The following ST18 variants were observed in gnomAD, a reference collection of about 807,000 sequenced individuals.
The protein encoded by ST18 is suppression of tumorigenicity 18 protein.
In ST18, 50 loss-of-function variants were observed where a neutral mutation model predicts 110.0. The observed-to-expected ratio is 0.45, with a 90% CI of 0.36 to 0.58. The LOEUF is 0.58. ST18 is among the 20% of genes least tolerant of loss of function. The probability of loss-of-function intolerance (pLI) is 0.00; values close to 1 mark genes in which losing one functional copy is unlikely to be tolerated. For missense variants in ST18, 1,306 were observed against 1,280.1 expected (o/e 1.02, Z -0.31); for synonymous variants, 461 against 452.4 (o/e 1.02, Z -0.24).
At chr8:52,149,126 T>G (rs1012997566) in intron 16 of ST18, among the ~76,000 whole-genome samples, 2 of 152,278 alleles carry the variant, frequency 1.3e-5, no homozygotes, top group Non-Finnish European at 2.9e-5. Context: ...GAAGGTTAGA[T>G]GAATTCCTGC....
At chr8:52,357,943 T>C (rs1362011567) in intron 2 of ST18, among the ~76,000 whole-genome samples, 2 of 151,072 alleles carry the variant, frequency 1.3e-5, no homozygotes, top group African/African-American at 4.8e-5. Flanking sequence ...ACATAGACCA[T>C]ATGTTGAACC....
chr8:52,128,294 G>T (rs2047895313), intron 22 of ST18, among the ~76,000 whole-genome samples: 1 of 152,144 alleles, frequency 6.6e-6, no homozygotes, highest in African/African-American at 2.4e-5. Context: ...ATCTTCATCT[G>T]CCTTCTTAAA....
chr8:52,210,588 T>C (rs1246778950), intron 8 of ST18, among the ~76,000 whole-genome samples: 1 of 151,538 alleles, frequency 6.6e-6, no homozygotes, highest in Non-Finnish European at 1.5e-5. Context: ...AGCCCAGGAG[T>C]TTTAGGCTGC....
At chr8:52,125,955 G>T in intron 23 of ST18, 97 bp downstream of exon 23, 1 of 874,518 alleles carries the variant, frequency 1.1e-6, no homozygotes, top group Non-Finnish European at 1.7e-6. Context: ...TTAAAATTAT[G>T]CTTCCCACCT....
intron 16 of ST18, among the ~76,000 whole-genome samples, chr8:52,145,782 CATGA>C (rs2057039740): frequency 6.6e-6 from 1 of 152,118 alleles, no homozygotes; most frequent in Non-Finnish European, 1.5e-5. Flanking sequence ...ATAATGGTAA[CATGA>C]ATAACAGATA....
chr8:52,389,852 T>C (rs1388176649), intron 2 of ST18, among the ~76,000 whole-genome samples: 1 of 152,172 alleles, frequency 6.6e-6, no homozygotes, highest in Non-Finnish European at 1.5e-5. Flanking sequence ...GTAGTGGCGC[T>C]CAGATTAACA....
In ST18 at chr8:52,212,042, T is replaced by C. The variant is rs540687860; in HGVS notation, c.86+37A>G. 5.7e-6 allele frequency: 9 copies of C among 1,591,230 alleles called. No homozygotes were observed. The South Asian group carries it at 6.9e-5, about 12-fold the overall frequency. On this transcript the variant is annotated intron_variant, in intron 8 of 25. Coordinates refer to ENST00000689386, the MANE Select transcript of ST18 (RefSeq NM_001352837.2). ...AAATCATTCGAATAATCAAGGCCCA[T>C]TAATGTGAAAAAAAAGTAATATAGG...
intron 3 of ST18, among the ~76,000 whole-genome samples, chr8:52,225,724 A>G (rs928029827): frequency 2.0e-5 from 3 of 152,214 alleles, no homozygotes; most frequent in African/African-American, 7.2e-5. Context: ...AGTGTTTCCT[A>G]TCTCTGCATA....
chr8:52,176,269 C>T (rs557608184), intron 9 of ST18, among the ~76,000 whole-genome samples: 33 of 152,114 alleles, frequency 2.2e-4, no homozygotes, highest in African/African-American at 1.2e-4. Context: ...GTGATCCGCC[C>T]GCCTCGGCCT....
intron 2 of ST18, among the ~76,000 whole-genome samples, chr8:52,365,266 G>A (rs1014930955): frequency 1.3e-5 from 2 of 151,990 alleles, no homozygotes; most frequent in Non-Finnish European, 2.9e-5. Flanking sequence ...ATTGAGCTTT[G>A]TCATATTATT....
intron 2 of ST18, among the ~76,000 whole-genome samples, chr8:52,370,772 T>C (rs1236861716): frequency 1.3e-5 from 2 of 152,154 alleles, no homozygotes; most frequent in Non-Finnish European, 2.9e-5. Context: ...CTCTTACTCA[T>C]TGTCTCTTGT....
intron 23 of ST18, among the ~76,000 whole-genome samples, chr8:52,122,072 T>C (rs1279997749): frequency 1.3e-5 from 2 of 152,176 alleles, no homozygotes; most frequent in Non-Finnish European, 2.9e-5. Flanking sequence ...TCTCAATCTC[T>C]TGACCTGCTG....
intron 15 of ST18, among the ~76,000 whole-genome samples, chr8:52,152,649 A>G (rs2059107088): frequency 6.6e-6 from 1 of 152,226 alleles, no homozygotes; most frequent in Non-Finnish European, 1.5e-5. Context: ...GGAAAGTAAA[A>G]TTGGAAAACA....
chr8:52,274,291 A>G (rs1256397775), intron 2 of ST18, among the ~76,000 whole-genome samples: 4 of 152,188 alleles, frequency 2.6e-5, no homozygotes, highest in Admixed American at 6.5e-5. Flanking sequence ...AAATACATCA[A>G]AAAAGGTTAA....
chr8:52,200,692 C>T (rs536056296), intron 8 of ST18, among the ~76,000 whole-genome samples: 1 of 152,260 alleles, frequency 6.6e-6, no homozygotes, highest in South Asian at 2.1e-4. Flanking sequence ...GGCCTAGTGA[C>T]AGCAGCAGAG....
chr8:52,227,450 C>A (rs982478620), intron 3 of ST18, among the ~76,000 whole-genome samples: 22 of 152,062 alleles, frequency 1.4e-4, no homozygotes, highest in African/African-American at 5.3e-4. Flanking sequence ...GACGATGATT[C>A]CTGAAAAATT....
chr8:52,350,084 G>C (rs879291800), intron 2 of ST18, among the ~76,000 whole-genome samples: 1 of 152,154 alleles, frequency 6.6e-6, no homozygotes, highest in Non-Finnish European at 1.5e-5. Context: ...GGAGCAGGGT[G>C]GGAAGTGTGG....
chr8:52,249,178 G>T (rs2094094806), intron 2 of ST18, among the ~76,000 whole-genome samples: 2 of 152,074 alleles, frequency 1.3e-5, no homozygotes, highest in African/African-American at 4.8e-5. Flanking sequence ...TTTTGAAACA[G>T]CAAAACAAAA....
chr8:52,119,472 T>C (rs2043821825), intron 23 of ST18, among the ~76,000 whole-genome samples: 1 of 152,172 alleles, frequency 6.6e-6, no homozygotes, highest in Non-Finnish European at 1.5e-5. Flanking sequence ...TAAAGGGTAC[T>C]TGGCTTGACA....
Sources: allele counts gnomAD v4.1 joint callset (sites outside exome capture counted in the v4.1 genomes callset), GRCh38; gene constraint gnomAD v4.1.1; transcripts MANE v1.5; gene names NCBI Gene and HGNC (gene_info 2026-07-23, HGNC 2026-07-21).